The following TRIM29 variants were observed in gnomAD, a reference collection of about 807,000 sequenced individuals.
TRIM29 encodes tripartite motif containing 29, also known as tripartite motif-containing protein 29.
TRIM29 carries 52 observed loss-of-function variants against 57.3 expected under a neutral mutation model. The ratio of observed to expected loss-of-function variants is 0.91; its 90% CI spans 0.73 to 1.14. The LOEUF (loss-of-function observed/expected upper bound fraction) is 1.14, where lower values mean the gene tolerates loss of function less well. TRIM29 is among the 50% of genes most tolerant of loss of function. The pLI is 0.00. For synonymous variants in TRIM29, 319 were observed against 316.9 expected (o/e 1.01, Z -0.07); for missense variants, 753 against 774.6 (o/e 0.97, Z 0.33).
At position 120,127,288 on chromosome 11, in the gene TRIM29, G is replaced by C. The variant is rs372053706; in HGVS notation, c.1134+48C>G. The C allele has an allele frequency of 1.2e-4, 188 of 1,572,648 alleles. 1 individual carries two copies. The highest frequency in any genetic ancestry group is 8.7e-6 in the Non-Finnish European group (10 of 1,146,916). On this transcript the variant is annotated intron_variant, in intron 3 of 8. Transcript: ENST00000341846. ...GGATGTTGGAGGGGGGTCTCAAAAA[G>C]TGGATTGTGAAATCGAGGGCTTGAG...
In TRIM29 at chr11:120,137,960, G is replaced by A. The variant is rs1204128552; in HGVS notation, c.72C>T (p.Gly24=). The part of the protein sequence containing the change: ...PEARDARSPS[G]PSGSLENGTK... ...TGCCATTCTCCAGGCTGCCACTGGG[G>A]CCCGACGGGCTCCGGGCATCCCTGG... The change falls in exon 1 of 9, where the codon GGC becomes GGT. Residue 24 remains glycine (G), a synonymous_variant. Coordinates refer to ENST00000341846, the MANE Select transcript of TRIM29 (RefSeq NM_012101.4). The surrounding 1 kb of genome is among the most constrained non-coding windows in gnomAD (Gnocchi z 6.2). 16 of 1,606,588 alleles carry A rather than the reference G, an allele frequency of 1.0e-5. No individual in the cohort carries two copies. Among genetic ancestry groups the A allele is most frequent in the African/African-American group, 1.3e-5 (1 of 74,942 alleles).
chr11:120,137,747 G>A lies in TRIM29; in HGVS notation c.285C>T (p.Ser95=). Residue 95 remains serine (S), a synonymous_variant, in exon 1 of 9, where the codon AGC becomes AGT. Coordinates refer to ENST00000341846, the MANE Select transcript of TRIM29 (RefSeq NM_012101.4). The surrounding 1 kb of genome is among the most constrained non-coding windows in gnomAD (Gnocchi z 6.2). ...SGDDKNSNYF[S]MDSMEGKRSP... The stretch of plus-strand genomic sequence containing the variant: ...ACCTCTTGCCTTCCATAGAGTCCAT[G>A]CTGAAGTAGTTGGAGTTCTTGTCGT... The A allele has an allele frequency of 1.9e-6, 3 of 1,612,430 alleles. No individual in the cohort carries two copies. The highest frequency in any genetic ancestry group is 2.2e-5 in the East Asian group (1 of 44,846).
intron 5 of TRIM29, 63 bp from the exon 6 acceptor site, chr11:120,120,728 C>A: frequency 6.6e-7 from 1 of 1,511,868 alleles, no homozygotes; most frequent in Non-Finnish European, 9.1e-7. Flanking sequence ...TCCTTGCCCC[C>A]AAAAAGTTGC....
chr11:120,112,513 G>A lies in TRIM29; in HGVS notation c.1705-37C>T, dbSNP rs200873771. ...ACAAGAGTGGTCAGCGAGGCCAGAC[G>A]ACAGATGAGCCTGCTAGCTAGACCC... On this transcript the variant is annotated intron_variant, in intron 8 of 8. Transcript: ENST00000341846. 1.1e-5 allele frequency: 17 copies of A among 1,610,752 alleles called. No individual in the cohort carries two copies. The African/African-American group carries it at 1.1e-4, about 10-fold the overall frequency.
chr11:120,112,048 C>T lies in TRIM29; in HGVS notation c.*366G>A, dbSNP rs963229524. The T allele has an allele frequency of 1.1e-5, 3 of 279,724 alleles. No homozygotes were observed. The highest frequency in any genetic ancestry group is 1.3e-4 in the East Asian group (1 of 7,458). 17.3% of individuals were successfully genotyped at this position (279,724 alleles called of 1,614,324 possible). A position where few individuals can be genotyped will look rare whatever the true frequency, so the allele number is the denominator to read the frequency against. On this transcript the variant is annotated 3_prime_UTR_variant, in exon 9 of 9. Coordinates refer to ENST00000341846, the MANE Select transcript of TRIM29 (RefSeq NM_012101.4). ...AGGCCTGGAGACAGCAGGGCGTGGGCGGGAGAGGCAGGCTGATACCATGCG... is the reference window on the plus strand; with the variant it reads ...AGGCCTGGAGACAGCAGGGCGTGGGTGGGAGAGGCAGGCTGATACCATGCG...
intron 1 of TRIM29, among the ~76,000 whole-genome samples, chr11:120,135,665 T>C (rs932269893): frequency 1.3e-5 from 2 of 152,188 alleles, no homozygotes; most frequent in African/African-American, 4.8e-5. Flanking sequence ...ATCTTCTTCC[T>C]GGGCCAAACG....
rs1330446578 is a variant in TRIM29, at chr11:120,137,192, G to A, written c.804+36C>T. 1.2e-6 allele frequency: 2 copies of A among 1,606,002 alleles called. No homozygotes were observed. The highest frequency in any genetic ancestry group is 1.7e-6 in the Non-Finnish European group (2 of 1,174,704). ...TTCGGAGGGGTGGGGTGAGAGAGGA[G>A]AGGCCTGGAGGGGCAGGAGGGGCCC... On this transcript the variant is annotated intron_variant, in intron 1 of 8. Coordinates refer to ENST00000341846, the MANE Select transcript of TRIM29 (RefSeq NM_012101.4). This position sits in a 1 kb window ranked among gnomAD's most constrained non-coding sequence, Gnocchi z 6.2.
chr11:120,113,777 T>C (rs555134671), intron 8 of TRIM29: 7 of 432,508 alleles, frequency 1.6e-5, no homozygotes, highest in South Asian at 3.3e-5. Context: ...AAGCAATTCA[T>C]AGGGCAAAGT....
intron 1 of TRIM29, among the ~76,000 whole-genome samples, chr11:120,132,300 G>C (rs1272929987): frequency 6.6e-6 from 1 of 151,964 alleles, no homozygotes; most frequent in African/African-American, 2.4e-5. Context: ...CTCAGAAAGT[G>C]GTTGAAGGCC....
Position 120,137,866 on chromosome 11 carries a change from G to A in TRIM29, c.166C>T (p.Leu56=), listed in dbSNP as rs1863853631. ...TCCCCTGGCTTCAGGGCGCTGCCCAGGCTCTTGCCCTCAGCTGCCTCCCCG... is the reference window on the plus strand; with the variant it reads ...TCCCCTGGCTTCAGGGCGCTGCCCAAGCTCTTGCCCTCAGCTGCCTCCCCG... ...HGGEAAEGKS[L]GSALKPGEGR... The change falls in exon 1 of 9, where the codon CTG becomes TTG. Residue 56 remains leucine, a synonymous_variant. Transcript: ENST00000341846. The surrounding 1 kb of genome is among the most constrained non-coding windows in gnomAD (Gnocchi z 6.2). 2 of 1,611,558 alleles carry A rather than the reference G, an allele frequency of 1.2e-6. No homozygotes were observed. Among genetic ancestry groups the A allele is most frequent in the Admixed American group, 1.7e-5 (1 of 60,018 alleles).
At chr11:120,125,981 G>A (rs1185119924) in intron 3 of TRIM29, 92 bp from the exon 4 acceptor site, 1 of 1,293,480 alleles carries the variant, frequency 7.7e-7, no homozygotes, top group African/African-American at 1.5e-5. Context: ...GCAGCTGGGG[G>A]TCTCAGCGCT....
At chr11:120,115,130 T>C (rs1459619243) in intron 8 of TRIM29, among the ~76,000 whole-genome samples, 1 of 152,236 alleles carries the variant, frequency 6.6e-6, no homozygotes, top group East Asian at 1.9e-4. Context: ...AGAGAGTGTA[T>C]GCTTAGCTAG....
Position 120,112,409 on chromosome 11 carries a change from G to T in TRIM29, c.*5C>A. The T allele has an allele frequency of 6.2e-7, 1 of 1,613,594 alleles. No homozygotes were observed. The highest frequency in any genetic ancestry group is 1.1e-5 in the South Asian group (1 of 91,036). On this transcript the variant is annotated 3_prime_UTR_variant, in exon 9 of 9. Transcript: ENST00000341846. ...GTGTGGCGCCTCGTTCCTTCCGCCAGGAGCTCATGGGGCTTCGTTGGACCC... is the reference window on the plus strand; with the variant it reads ...GTGTGGCGCCTCGTTCCTTCCGCCATGAGCTCATGGGGCTTCGTTGGACCC...
chr11:120,127,601 C>T, intron 2 of TRIM29, 32 bp from the exon 3 acceptor site: 1 of 1,595,644 alleles, frequency 6.3e-7, no homozygotes, highest in Non-Finnish European at 8.6e-7. Context: ...AGAGATTAGG[C>T]AGGGCTTTAG....
intron 8 of TRIM29, chr11:120,113,682 C>T (rs1310263001): frequency 2.2e-6 from 1 of 456,226 alleles, no homozygotes; most frequent in South Asian, 1.5e-5. Context: ...GAAACTGAGA[C>T]CCAGGGAGGG....
intron 1 of TRIM29, among the ~76,000 whole-genome samples, chr11:120,129,503 C>T (rs1863674200): frequency 6.6e-6 from 1 of 152,198 alleles, no homozygotes; most frequent in Non-Finnish European, 1.5e-5. Context: ...GAGTCCCACC[C>T]CTTTCTCTGG....
chr11:120,122,139 T>A (rs1863468268), intron 5 of TRIM29: 1 of 267,968 alleles, frequency 3.7e-6, no homozygotes, highest in South Asian at 3.1e-5. Flanking sequence ...TGAGTGTGTG[T>A]GTGTGTGTGT....
At chr11:120,129,556 G>A (rs549394097) in intron 1 of TRIM29, among the ~76,000 whole-genome samples, 6 of 152,144 alleles carry the variant, frequency 3.9e-5, no homozygotes, top group Non-Finnish European at 8.8e-5. Flanking sequence ...AGGTGAGGAT[G>A]CCACAAACCT....
Position 120,128,467 on chromosome 11 carries a change from A to C in TRIM29, c.833T>G (p.Leu278Arg). 6.2e-7 allele frequency: 1 copy of C among 1,612,108 alleles called. No individual in the cohort carries two copies. Among genetic ancestry groups the C allele is most frequent in the South Asian group, 1.1e-5 (1 of 91,070 alleles). ...CTCAATCTCAATGATCTTGAGCTGCAGCTGCTCCTTTTGCAATGACAGCTC... is the reference window on the plus strand; with the variant it reads ...CTCAATCTCAATGATCTTGAGCTGCCGCTGCTCCTTTTGCAATGACAGCTC... ...ETELSLQKEQ[L>R]QLKIIEIEDE... The change falls in exon 2 of 9, where the codon CTG becomes CGG. Residue 278 changes from leucine to arginine, a missense_variant. Coordinates refer to ENST00000341846, the MANE Select transcript of TRIM29 (RefSeq NM_012101.4).
Sources: allele counts gnomAD v4.1 joint callset (sites outside exome capture counted in the v4.1 genomes callset), GRCh38; gene constraint gnomAD v4.1.1; non-coding constraint Gnocchi (gnomAD v3.1); transcripts MANE v1.5; gene names NCBI Gene and HGNC (gene_info 2026-07-23, HGNC 2026-07-21).